The following SHC4 variants were observed in gnomAD, a reference collection of about 807,000 sequenced individuals.
The protein encoded by SHC4 is SHC-transforming protein 4.
Under a neutral mutation model 69.4 loss-of-function variants are expected in SHC4, and 41 were observed. That is an observed-to-expected ratio of 0.59 (90% CI 0.46 to 0.77). The LOEUF (loss-of-function observed/expected upper bound fraction) is 0.77. SHC4 is among the 30% of genes least tolerant of loss of function. SHC4 has a pLI of 0.00. For synonymous variants in SHC4, 318 were observed against 299.3 expected (o/e 1.06, Z -0.64); for missense variants, 777 against 783.8 (o/e 0.99, Z 0.10).
chr15:48,918,165 T>C (rs935763619), intron 2 of SHC4, among the ~76,000 whole-genome samples: 2 of 152,232 alleles, frequency 1.3e-5, no homozygotes, highest in African/African-American at 2.4e-5. Flanking sequence ...ACTTGGCCCA[T>C]GGAAATTTTT....
intron 1 of SHC4, among the ~76,000 whole-genome samples, chr15:48,960,209 C>A (rs1462152032): frequency 1.3e-5 from 2 of 152,114 alleles, no homozygotes; most frequent in Non-Finnish European, 2.9e-5. Context: ...GAGGCACTCC[C>A]TAGGGAAACT....
intron 1 of SHC4, among the ~76,000 whole-genome samples, chr15:48,939,309 G>A (rs1398117958): frequency 1.3e-5 from 2 of 152,216 alleles, no homozygotes; most frequent in South Asian, 4.1e-4. Flanking sequence ...AAGGGTCAGA[G>A]GAAGGACGCT....
chr15:48,962,874 C>T lies in SHC4; in HGVS notation c.142G>A (p.Gly48Ser), dbSNP rs2141045311. 8.1e-6 allele frequency: 13 copies of T among 1,613,370 alleles called. No homozygotes were observed. The East Asian group carries it at 1.3e-4, about 17-fold the overall frequency. The change falls in exon 1 of 12, where the codon GGC becomes AGC. Residue 48 changes from glycine to serine, a missense_variant. Physicochemically the swap from Gly to Ser is moderately conservative, Grantham distance 56 (BLOSUM62 0). Transcript: ENST00000332408. The stretch of plus-strand genomic sequence containing the variant: ...GGCGAGCCCTTGTTCCCGACCGAGC[C>T]TCCGGAGCTACCTTCGTCCAAGGAC... The part of the protein sequence containing the change: ...ITSLDEGSSG[G>S]SVGNKGSPQP...
intron 1 of SHC4, among the ~76,000 whole-genome samples, chr15:48,944,250 G>A (rs1901233127): frequency 1.3e-5 from 2 of 151,872 alleles, no homozygotes. Flanking sequence ...GAGACTCTGG[G>A]TGCCCTACCT....
At chr15:48,937,941 G>A (rs1325501811) in intron 1 of SHC4, among the ~76,000 whole-genome samples, 1 of 152,154 alleles carries the variant, frequency 6.6e-6, no homozygotes, top group Non-Finnish European at 1.5e-5. Flanking sequence ...CAATTTTAAT[G>A]TTGTTATTGA....
At chr15:48,941,299 G>A (rs1567075430) in intron 1 of SHC4, among the ~76,000 whole-genome samples, 1 of 152,182 alleles carries the variant, frequency 6.6e-6, no homozygotes, top group Non-Finnish European at 1.5e-5. Context: ...ACTGGAAAAT[G>A]TTCATAGGAG....
intron 2 of SHC4, among the ~76,000 whole-genome samples, chr15:48,907,916 G>A (rs773210203): frequency 1.3e-5 from 2 of 151,240 alleles, no homozygotes; most frequent in Non-Finnish European, 2.9e-5. Flanking sequence ...GGGCATTTGG[G>A]TTGGTTCCAT....
chr15:48,944,630 GA>G (rs1397821768), intron 1 of SHC4, among the ~76,000 whole-genome samples: 1 of 152,124 alleles, frequency 6.6e-6, no homozygotes. Flanking sequence ...AACAAAAAGG[GA>G]AACCTCTATC....
At chr15:48,957,358 C>T (rs539418551) in intron 1 of SHC4, among the ~76,000 whole-genome samples, 1 of 152,260 alleles carries the variant, frequency 6.6e-6, no homozygotes, top group African/African-American at 2.4e-5. Flanking sequence ...AGTGTCAGAG[C>T]CGTTACTTCA....
intron 2 of SHC4, among the ~76,000 whole-genome samples, chr15:48,913,619 G>T (rs376956714): frequency 1.8e-4 from 28 of 152,216 alleles, no homozygotes; most frequent in African/African-American, 6.3e-4. Context: ...TGGCCAGGAG[G>T]CTTCTCACCC....
At chr15:48,893,826 G>A (rs557813299) in intron 2 of SHC4, among the ~76,000 whole-genome samples, 1 of 152,308 alleles carries the variant, frequency 6.6e-6, no homozygotes, top group Non-Finnish European at 1.5e-5. Flanking sequence ...ATTTATCAGA[G>A]CACAGGTGGG....
chr15:48,884,613 C>T (rs1376574640), intron 3 of SHC4, among the ~76,000 whole-genome samples: 1 of 152,058 alleles, frequency 6.6e-6, no homozygotes, highest in African/African-American at 2.4e-5. Context: ...TTCTCTCCTC[C>T]CCAGGTGCTG....
chr15:48,832,873 T>C (rs1347422709), intron 11 of SHC4, among the ~76,000 whole-genome samples: 2 of 152,176 alleles, frequency 1.3e-5, no homozygotes, highest in East Asian at 3.9e-4. Flanking sequence ...TATTGTATTC[T>C]TCAGGTCCAA....
chr15:48,950,186 A>T (rs1393090861), intron 1 of SHC4, among the ~76,000 whole-genome samples: 1 of 145,090 alleles, frequency 6.9e-6, no homozygotes, highest in African/African-American at 2.5e-5. Flanking sequence ...TTATATTTAT[A>T]ATTTTATATT....
At chr15:48,936,781 A>G (rs545586461) in intron 1 of SHC4, among the ~76,000 whole-genome samples, 8 of 152,332 alleles carry the variant, frequency 5.3e-5, no homozygotes, top group African/African-American at 1.9e-4. Context: ...TTCTCTGAAA[A>G]AAGTACTGGT....
intron 4 of SHC4, among the ~76,000 whole-genome samples, chr15:48,873,667 G>C (rs1595740347): frequency 6.6e-6 from 1 of 152,250 alleles, no homozygotes; most frequent in Non-Finnish European, 1.5e-5. Flanking sequence ...TGTGAACCCG[G>C]GAGGCGGAGC....
At position 48,904,940 on chromosome 15, in the gene SHC4, A is replaced by AACACAC. The variant is rs71650107; in HGVS notation, c.657-14135_657-14130dup. Among the ~76,000 whole-genome samples the AACACAC allele has an allele frequency of 8.4e-3, 1,210 of 144,778 alleles. 6 individuals carry two copies. The highest frequency in any genetic ancestry group is 0.016 in the African/African-American group (620 of 39,278). The allele number at this position is 144,778 out of a possible 152,430, so 95.0% of individuals were successfully genotyped here. A position where few individuals can be genotyped will look rare whatever the true frequency, so the allele number is the denominator to read the frequency against. On this transcript the variant is annotated intron_variant, in intron 2 of 11. Coordinates refer to ENST00000332408, the MANE Select transcript of SHC4 (RefSeq NM_203349.4). ...CGCACACACACACACACACAGACAC[A>AACACAC]ACACACACACACACACACACACACA...
intron 2 of SHC4, among the ~76,000 whole-genome samples, chr15:48,892,824 T>C (rs1386077601): frequency 8.8e-5 from 13 of 147,576 alleles, no homozygotes; most frequent in African/African-American, 3.3e-4. Context: ...GATCACGCCA[T>C]TGCACTCCAG....
intron 1 of SHC4, among the ~76,000 whole-genome samples, chr15:48,951,594 A>G (rs567243216): frequency 6.6e-6 from 1 of 152,198 alleles, no homozygotes; most frequent in African/African-American, 2.4e-5. Flanking sequence ...TGCCTCTTGC[A>G]CTGTTTAACC....
Sources: allele counts gnomAD v4.1 joint callset (sites outside exome capture counted in the v4.1 genomes callset), GRCh38; gene constraint gnomAD v4.1.1; transcripts MANE v1.5; gene names NCBI Gene and HGNC (gene_info 2026-07-23, HGNC 2026-07-21).